NIBAN1: variants seen among roughly 807,000 people sequenced by gnomAD.
NIBAN1 encodes protein Niban 1.
A neutral mutation model predicts 75.1 loss-of-function variants in NIBAN1; 81 were observed. That is an observed-to-expected ratio of 1.08 (90% CI 0.90 to 1.30). NIBAN1 has a LOEUF of 1.30. NIBAN1 is among the 50% of genes most tolerant of loss of function. The pLI is 0.00. For missense variants in NIBAN1, 1,133 were observed against 1,128.1 expected (o/e 1.00, Z -0.06); for synonymous variants, 436 against 424.8 (o/e 1.03, Z -0.32).
intron 5 of NIBAN1, among the ~76,000 whole-genome samples, chr1:184,867,375 A>C (rs150776031): frequency 1.5e-3 from 230 of 152,304 alleles, no homozygotes; most frequent in African/African-American, 5.4e-3. Flanking sequence ...CAAACCACCT[A>C]TGTTCTTAGC....
chr1:184,863,148 A>G (rs1174235988), intron 5 of NIBAN1, among the ~76,000 whole-genome samples: 1 of 152,174 alleles, frequency 6.6e-6, no homozygotes, highest in African/African-American at 2.4e-5. Flanking sequence ...AGGCATTACT[A>G]GTTGACCTGT....
intron 5 of NIBAN1, among the ~76,000 whole-genome samples, chr1:184,845,492 G>T (rs1449158812): frequency 6.6e-6 from 1 of 152,156 alleles, no homozygotes; most frequent in Admixed American, 6.5e-5. Flanking sequence ...CAAGTATGAT[G>T]GTTCATGCCT....
intron 2 of NIBAN1, among the ~76,000 whole-genome samples, chr1:184,898,167 C>T (rs1385000113): frequency 4.6e-5 from 7 of 152,158 alleles, no homozygotes; most frequent in Admixed American, 4.6e-4. Flanking sequence ...CCCAGCAGAC[C>T]GACCTTCCCT....
intron 2 of NIBAN1, among the ~76,000 whole-genome samples, chr1:184,896,024 C>T (rs1656790585): frequency 6.6e-6 from 1 of 152,132 alleles, no homozygotes; most frequent in South Asian, 2.1e-4. Flanking sequence ...GATAAACACA[C>T]ACATACAGGA....
At chr1:184,971,461 G>A (rs1489961941) in intron 1 of NIBAN1, among the ~76,000 whole-genome samples, 3 of 151,740 alleles carry the variant, frequency 2.0e-5, no homozygotes, top group African/African-American at 7.3e-5. Context: ...CACAAGGTCA[G>A]GAGATCGAAG....
rs1175126218 is a variant in NIBAN1, at chr1:184,791,065, C to T, written c.*3912G>A. ...TGAACATTTTATTGGAATATAGGCA[C>T]CTGGCAGAGTAAATACATGGTTACA... On this transcript the variant is annotated 3_prime_UTR_variant, in exon 14 of 14. Transcript: ENST00000367511. The T allele has an allele frequency of 2.1e-6, 1 of 470,944 alleles. No homozygotes were observed. Among genetic ancestry groups the T allele is most frequent in the Non-Finnish European group, 4.4e-6 (1 of 226,920 alleles). 29.2% of individuals were successfully genotyped at this position (470,944 alleles called of 1,614,324 possible).
At chr1:184,866,070 A>T (rs746090168) in intron 5 of NIBAN1, among the ~76,000 whole-genome samples, 10 of 152,266 alleles carry the variant, frequency 6.6e-5, no homozygotes, top group Non-Finnish European at 1.0e-4. Flanking sequence ...AAAAATGAGT[A>T]TGTGCTTACT....
At chr1:184,804,156 A>G (rs1024953987) in intron 11 of NIBAN1, among the ~76,000 whole-genome samples, 4 of 152,220 alleles carry the variant, frequency 2.6e-5, no homozygotes, top group African/African-American at 9.6e-5. Context: ...GAAGTTCAGT[A>G]TCCAGAACAA....
In NIBAN1 at chr1:184,852,837, T is replaced by C. The variant is rs1477843024; in HGVS notation, c.602-20875A>G. Among the ~76,000 whole-genome samples, 5 of 152,160 alleles carry C rather than the reference T, an allele frequency of 3.3e-5. No homozygotes were observed. In the East Asian group the frequency reaches 9.6e-4, roughly 29 times the overall value. ...TCTTTCTCTGGGCTGCAGAAAGGCA[T>C]CAATGTGGCTACTGGAAGATATTAA... is the stretch of plus-strand genomic sequence containing the variant. On this transcript the variant is annotated intron_variant, in intron 5 of 13. Coordinates refer to ENST00000367511, the MANE Select transcript of NIBAN1 (RefSeq NM_052966.4).
chr1:184,858,780 T>A (rs1263675041), intron 5 of NIBAN1, among the ~76,000 whole-genome samples: 6 of 151,726 alleles, frequency 4.0e-5, no homozygotes, highest in Admixed American at 3.9e-4. Flanking sequence ...GGGAACAGAG[T>A]AAAGGCCATC....
rs950096733 is a variant in NIBAN1, at chr1:184,793,788, G to A, written c.*1189C>T. 19 of 152,162 alleles carry A rather than the reference G, an allele frequency of 1.2e-4. No homozygotes were observed. The highest frequency in any genetic ancestry group is 5.9e-4 in the Admixed American group (9 of 15,274). The allele number at this position is 152,162 out of a possible 1,614,324, so 9.4% of individuals were successfully genotyped here. On this transcript the variant is annotated 3_prime_UTR_variant, in exon 14 of 14. Transcript: ENST00000367511. Reference sequence around the variant, plus strand: ...ATTAAAATGTAAGTTCTAGGAGGAAGGAACAAAGTTGTTTTTCGCCATGGT... The same window carrying A: ...ATTAAAATGTAAGTTCTAGGAGGAAAGAACAAAGTTGTTTTTCGCCATGGT...
At chr1:184,908,111 T>A (rs111807584) in intron 1 of NIBAN1, among the ~76,000 whole-genome samples, 66 of 152,268 alleles carry the variant, frequency 4.3e-4, no homozygotes, top group African/African-American at 1.5e-3. Flanking sequence ...ACACTTACCC[T>A]CATAGAGGTC....
chr1:184,945,885 C>T (rs1033673342), intron 1 of NIBAN1, among the ~76,000 whole-genome samples: 3 of 151,772 alleles, frequency 2.0e-5, no homozygotes, highest in African/African-American at 4.8e-5. Flanking sequence ...TCCATCTGTC[C>T]GCAGACTATG....
At chr1:184,852,976 C>T (rs1268210654) in intron 5 of NIBAN1, among the ~76,000 whole-genome samples, 1 of 152,144 alleles carries the variant, frequency 6.6e-6, no homozygotes, top group Non-Finnish European at 1.5e-5. Flanking sequence ...TGGTTATTTC[C>T]ATTGGACTTA....
At chr1:184,931,343 GC>G (rs1325910180) in intron 1 of NIBAN1, among the ~76,000 whole-genome samples, 1 of 152,164 alleles carries the variant, frequency 6.6e-6, no homozygotes, top group Non-Finnish European at 1.5e-5. Flanking sequence ...TTTAATCAAT[GC>G]AGTCTTATAA....
intron 5 of NIBAN1, among the ~76,000 whole-genome samples, chr1:184,839,615 G>T (rs1655229085): frequency 6.6e-6 from 1 of 150,662 alleles, no homozygotes; most frequent in Non-Finnish European, 1.5e-5. Context: ...TTTTTTTTGA[G>T]ACGTAGTTTC....
chr1:184,823,034 G>T, intron 8 of NIBAN1, 133 bp downstream of exon 8: 1 of 1,042,160 alleles, frequency 9.6e-7, no homozygotes, highest in Non-Finnish European at 1.4e-6. Flanking sequence ...GCATGTTCCT[G>T]TTGCAGCTGT....
intron 5 of NIBAN1, among the ~76,000 whole-genome samples, chr1:184,865,502 C>T (rs1655934199): frequency 6.6e-6 from 1 of 152,056 alleles, no homozygotes; most frequent in Admixed American, 6.6e-5. Flanking sequence ...GTATACTATG[C>T]TCAGTACTTG....
intron 5 of NIBAN1, among the ~76,000 whole-genome samples, chr1:184,860,296 G>T (rs1655784015): frequency 6.6e-6 from 1 of 151,482 alleles, no homozygotes; most frequent in African/African-American, 2.4e-5. Context: ...AGGGAGACGG[G>T]GGCAGATCTA....
Sources: gnomAD v4.1 joint callset for allele counts (sites outside exome capture counted in the v4.1 genomes callset) on GRCh38, gnomAD v4.1.1 for gene constraint, MANE v1.5 for transcripts, NCBI Gene and HGNC (gene_info 2026-07-23, HGNC 2026-07-21) for gene names.